Variants in MAST2 observed in about 807,000 individuals in gnomAD.
MAST2 encodes microtubule-associated serine/threonine-protein kinase 2.
MAST2 carries 70 observed loss-of-function variants against 147.4 expected under a neutral mutation model. The ratio of observed to expected loss-of-function variants is 0.47; its 90% CI spans 0.39 to 0.58. MAST2 has a LOEUF of 0.58. Ranked by LOEUF, MAST2 falls within the 20% of genes least tolerant of loss-of-function variation. MAST2 has a pLI of 0.00. For synonymous variants in MAST2, 869 were observed against 896.8 expected, an observed-to-expected ratio of 0.97 and a Z score of 0.55; for missense variants, 2,080 against 2,302.3, an observed-to-expected ratio of 0.90 and a Z score of 1.98.
chr1:45,945,842 T>TAAAG (rs1348932489), intron 4 of MAST2, among the ~76,000 whole-genome samples: 1 of 152,112 alleles, frequency 6.6e-6, no homozygotes, highest in Admixed American at 6.5e-5. Flanking sequence ...TGGGAACTAG[T>TAAAG]AAAGACAAAC....
intron 10 of MAST2, among the ~76,000 whole-genome samples, chr1:46,012,945 A>G (rs963366473): frequency 6.6e-6 from 1 of 151,936 alleles, no homozygotes; most frequent in African/African-American, 2.4e-5. Context: ...GCTGCTACAA[A>G]TGACCAGCTG....
At chr1:45,943,540 A>T (rs1426844772) in intron 4 of MAST2, among the ~76,000 whole-genome samples, 1 of 152,216 alleles carries the variant, frequency 6.6e-6, no homozygotes. Flanking sequence ...ATGTTTCAGT[A>T]CTTGAAGATC....
chr1:45,971,623 C>T (rs139859448), intron 5 of MAST2, among the ~76,000 whole-genome samples: 33 of 152,280 alleles, frequency 2.2e-4, no homozygotes, highest in African/African-American at 7.7e-4. Context: ...ACATCATGCT[C>T]ACTGTAGAGG....
At chr1:45,956,891 G>A (rs1027977243) in intron 4 of MAST2, among the ~76,000 whole-genome samples, 24 of 152,256 alleles carry the variant, frequency 1.6e-4, no homozygotes, top group Admixed American at 1.4e-3. Context: ...AACATCTAGT[G>A]CTATTGAAAT....
chr1:46,008,520 G>A (rs1571187055), intron 9 of MAST2, 149 bp downstream of exon 9: 1 of 628,282 alleles, frequency 1.6e-6, no homozygotes, highest in East Asian at 2.7e-5. Context: ...GGAGGCTGTG[G>A]ACACAGCAAC....
At chr1:45,998,443 G>A (rs1048189669) in intron 6 of MAST2, among the ~76,000 whole-genome samples, 1 of 152,240 alleles carries the variant, frequency 6.6e-6, no homozygotes, top group Non-Finnish European at 1.5e-5. Flanking sequence ...AGCTCTGCCT[G>A]TGGCTGGAAT....
intron 5 of MAST2, among the ~76,000 whole-genome samples, chr1:45,976,127 A>G (rs1267239985): frequency 2.6e-5 from 4 of 152,018 alleles, no homozygotes; most frequent in Non-Finnish European, 5.9e-5. Context: ...GGTGTGCACC[A>G]CCACACCCAG....
intron 5 of MAST2, among the ~76,000 whole-genome samples, chr1:45,967,353 A>G (rs1209343104): frequency 6.6e-6 from 1 of 152,178 alleles, no homozygotes; most frequent in African/African-American, 2.4e-5. Flanking sequence ...TACAGGCGTG[A>G]GTCACTGCAC....
chr1:45,928,870 C>T (rs1051234503), intron 4 of MAST2, among the ~76,000 whole-genome samples: 3 of 151,554 alleles, frequency 2.0e-5, no homozygotes, highest in Non-Finnish European at 2.9e-5. Context: ...TTGCAGAAAC[C>T]GAGTTGTTTG....
chr1:45,854,019 C>T (rs950769168), intron 3 of MAST2, among the ~76,000 whole-genome samples: 4 of 152,052 alleles, frequency 2.6e-5, no homozygotes, highest in African/African-American at 9.7e-5. Flanking sequence ...CATTGAATTG[C>T]TTTTCCACTT....
chr1:45,853,388 T>C (rs1400584823), intron 3 of MAST2, among the ~76,000 whole-genome samples: 1 of 152,152 alleles, frequency 6.6e-6, no homozygotes, highest in Non-Finnish European at 1.5e-5. Context: ...AGTCAGAGTC[T>C]CTGTCACCTA....
chr1:45,969,764 C>T (rs1282343662), intron 5 of MAST2, among the ~76,000 whole-genome samples: 1 of 152,034 alleles, frequency 6.6e-6, no homozygotes, highest in East Asian at 1.9e-4. Flanking sequence ...AAACAAAGTA[C>T]ACAATAAATG....
intron 4 of MAST2, among the ~76,000 whole-genome samples, chr1:45,957,312 G>T (rs1393402104): frequency 6.6e-6 from 1 of 152,122 alleles, no homozygotes; most frequent in Non-Finnish European, 1.5e-5. Flanking sequence ...CTCATCTGTT[G>T]GTGCATATTT....
chr1:46,007,880 C>T (rs1039625319), intron 8 of MAST2, among the ~76,000 whole-genome samples: 2 of 152,204 alleles, frequency 1.3e-5, no homozygotes, highest in African/African-American at 2.4e-5. Context: ...TGTACGTGTG[C>T]ACCGTCTTCC....
chr1:45,947,871 C>T (rs1658312686), intron 4 of MAST2, among the ~76,000 whole-genome samples: 1 of 152,180 alleles, frequency 6.6e-6, no homozygotes, highest in African/African-American at 2.4e-5. Flanking sequence ...TGCCCGCCAC[C>T]ACACCCGGCT....
intron 5 of MAST2, among the ~76,000 whole-genome samples, chr1:45,994,259 C>CTTTT (rs1472102354): frequency 7.1e-6 from 1 of 141,184 alleles, no homozygotes; most frequent in Non-Finnish European, 1.5e-5. Context: ...GCAAGTGGCT[C>CTTTT]AAAGCCCTAA....
intron 3 of MAST2, among the ~76,000 whole-genome samples, chr1:45,839,630 G>A (rs1301495724): frequency 6.6e-6 from 1 of 152,128 alleles, no homozygotes; most frequent in Non-Finnish European, 1.5e-5. Context: ...TAGATTTAAT[G>A]CAGTCCCGAT....
chr1:46,000,867 A>C (rs966795900), intron 6 of MAST2: 1 of 879,278 alleles, frequency 1.1e-6, no homozygotes, highest in African/African-American at 1.7e-5. Flanking sequence ...AACAGAAGGA[A>C]TGTGCCAAGC....
intron 4 of MAST2, among the ~76,000 whole-genome samples, chr1:45,894,439 T>C (rs919121867): frequency 6.6e-6 from 1 of 152,178 alleles, no homozygotes; most frequent in African/African-American, 2.4e-5. Context: ...AACTGTAGTT[T>C]TTTTTATGAG....
Sources: allele counts gnomAD v4.1 joint callset (sites outside exome capture counted in the v4.1 genomes callset), GRCh38; gene constraint gnomAD v4.1.1; transcripts MANE v1.5; gene names NCBI Gene and HGNC (gene_info 2026-07-23, HGNC 2026-07-21).